The following CD2AP variants were observed in gnomAD, a reference collection of about 807,000 sequenced individuals.
CD2AP encodes the protein CD2 associated protein, also known as CD2-associated protein.
In CD2AP, 46 loss-of-function variants were observed where a neutral mutation model predicts 85.1. That is an observed-to-expected ratio of 0.54 (90% CI 0.43 to 0.69). CD2AP has a LOEUF of 0.69. Among genes scored for constraint, CD2AP ranks in the 30% least tolerant of loss-of-function variants. CD2AP has a pLI of 0.00. For synonymous variants in CD2AP, 255 were observed against 252.9 expected, an observed-to-expected ratio of 1.01 and a Z score of -0.08; for missense variants, 769 against 729.5, an observed-to-expected ratio of 1.05 and a Z score of -0.62.
intron 16 of CD2AP, 141 bp from the exon 17 acceptor site, chr6:47,612,332 A>G: frequency 1.6e-6 from 1 of 634,478 alleles, no homozygotes; most frequent in East Asian, 2.8e-5. Flanking sequence ...AGAATCTTAC[A>G]TTTTTCTTAA....
In CD2AP at chr6:47,574,235, A is replaced by G; in HGVS notation, c.713A>G (p.Glu238Gly). ...AGAACATCCAGTAGTGAAACAGAAG[A>G]GAAAAAACCAGAAAAGGTGGTAATG... ...RTRTSSSETE[E>G]KKPEKPLILQ... Residue 238 changes from glutamate (E) to glycine (G), a missense_variant, in exon 6 of 18, where the codon GAG becomes GGG. Glu to Gly is a moderately conservative substitution (Grantham distance 98, BLOSUM62 -2). Transcript: ENST00000359314. 6.2e-7 allele frequency: 1 copy of G among 1,613,900 alleles called. No homozygotes were observed. The highest frequency in any genetic ancestry group is 8.5e-7 in the Non-Finnish European group (1 of 1,179,824).
chr6:47,615,659 C>T (rs1213797998), intron 17 of CD2AP, among the ~76,000 whole-genome samples: 1 of 152,076 alleles, frequency 6.6e-6, no homozygotes, highest in Non-Finnish European at 1.5e-5. Context: ...TACCTCTCAC[C>T]TGGCCCCACC....
chr6:47,482,348 A>C (rs1313583078), intron 1 of CD2AP, among the ~76,000 whole-genome samples: 1 of 151,824 alleles, frequency 6.6e-6, no homozygotes, highest in Admixed American at 6.6e-5. Flanking sequence ...TTCCTGTAGA[A>C]ATGAGCCGGA....
At chr6:47,521,972 G>A (rs13201473) in intron 2 of CD2AP, among the ~76,000 whole-genome samples, 34,334 of 151,834 alleles carry the variant, frequency 0.23, 4,043 homozygotes, top group Non-Finnish European at 0.27. Flanking sequence ...CCGAGATCAT[G>A]CCATTGCACT....
chr6:47,543,165 A>G (rs1029854009), intron 3 of CD2AP, among the ~76,000 whole-genome samples: 2 of 144,710 alleles, frequency 1.4e-5, no homozygotes, highest in African/African-American at 4.9e-5. Context: ...AAAAAAAAAA[A>G]AAAAAAAGAA....
intron 3 of CD2AP, among the ~76,000 whole-genome samples, chr6:47,542,313 T>A (rs1399499045): frequency 6.6e-6 from 1 of 152,170 alleles, no homozygotes; most frequent in African/African-American, 2.4e-5. Flanking sequence ...GTAGACACTC[T>A]TGTGATAATA....
At chr6:47,553,755 A>G (rs529731944) in intron 4 of CD2AP, among the ~76,000 whole-genome samples, 2 of 152,144 alleles carry the variant, frequency 1.3e-5, no homozygotes, top group Non-Finnish European at 2.9e-5. Context: ...AAAATTTCAT[A>G]GAAATTGAGT....
At chr6:47,587,591 A>G (rs1198847341) in intron 11 of CD2AP, among the ~76,000 whole-genome samples, 1 of 152,154 alleles carries the variant, frequency 6.6e-6, no homozygotes, top group Non-Finnish European at 1.5e-5. Context: ...AGCACAAGTT[A>G]TCCTGCTTTT....
chr6:47,569,794 G>C (rs983520770), intron 5 of CD2AP, among the ~76,000 whole-genome samples: 1 of 152,114 alleles, frequency 6.6e-6, no homozygotes, highest in Non-Finnish European at 1.5e-5. Flanking sequence ...CTAGTCACCA[G>C]GAGTCAAGGT....
chr6:47,556,288 C>G (rs1767686167), intron 5 of CD2AP, among the ~76,000 whole-genome samples: 1 of 148,894 alleles, frequency 6.7e-6, no homozygotes, highest in Non-Finnish European at 1.5e-5. Context: ...TTACTGTTCA[C>G]CTCCCATTTA....
chr6:47,608,682 G>T (rs1435148198), intron 15 of CD2AP, among the ~76,000 whole-genome samples: 11 of 152,060 alleles, frequency 7.2e-5, no homozygotes, highest in African/African-American at 2.7e-4. Flanking sequence ...TAGTTAAGGG[G>T]TGTCAGGCTA....
intron 5 of CD2AP, among the ~76,000 whole-genome samples, chr6:47,558,880 A>G (rs1030401326): frequency 7.2e-5 from 11 of 152,120 alleles, no homozygotes; most frequent in African/African-American, 2.7e-4. Flanking sequence ...GTTGTTTGGA[A>G]TAGTTTCAGA....
intron 1 of CD2AP, among the ~76,000 whole-genome samples, chr6:47,496,053 T>A (rs1039336235): frequency 6.6e-6 from 1 of 152,208 alleles, no homozygotes; most frequent in African/African-American, 2.4e-5. Context: ...TACTTACCAC[T>A]TCTTTTGTTT....
chr6:47,593,855 C>A (rs1440849366), intron 11 of CD2AP, among the ~76,000 whole-genome samples: 2 of 152,030 alleles, frequency 1.3e-5, no homozygotes, highest in Non-Finnish European at 2.9e-5. Context: ...ATATTCATAG[C>A]AGCACTATTT....
chr6:47,567,606 T>C (rs958762379), intron 5 of CD2AP, among the ~76,000 whole-genome samples: 3 of 152,152 alleles, frequency 2.0e-5, no homozygotes, highest in African/African-American at 7.2e-5. Context: ...AATCCAGACT[T>C]GGCAAGCTGT....
chr6:47,478,294 C>T lies in CD2AP; in HGVS notation c.4+46C>T, dbSNP rs544549262. 18 of 1,562,542 alleles carry T rather than the reference C, an allele frequency of 1.2e-5. 1 individual carries two copies. The highest frequency in any genetic ancestry group is 1.7e-4 in the Middle Eastern group (1 of 5,992). The stretch of plus-strand genomic sequence containing the variant: ...CCGCCGCCCGTCCGGACCTTCCAGA[C>T]CCGGGGAGGCTGTGCCCTTTCTCGG... On this transcript the variant is annotated intron_variant, in intron 1 of 17. Coordinates refer to ENST00000359314, the MANE Select transcript of CD2AP (RefSeq NM_012120.3).
intron 2 of CD2AP, among the ~76,000 whole-genome samples, chr6:47,519,781 A>G (rs1766537230): frequency 1.3e-5 from 2 of 152,222 alleles, no homozygotes; most frequent in Non-Finnish European, 2.9e-5. Flanking sequence ...TTGAATACCT[A>G]TAATATGGCA....
intron 14 of CD2AP, among the ~76,000 whole-genome samples, chr6:47,606,642 G>GT (rs35087138): frequency 1.3e-5 from 2 of 151,566 alleles, no homozygotes; most frequent in East Asian, 1.9e-4. Context: ...AATATTCAGT[G>GT]TTTTTTTTCT....
At chr6:47,509,311 T>G (rs1485231418) in intron 2 of CD2AP, among the ~76,000 whole-genome samples, 2 of 151,754 alleles carry the variant, frequency 1.3e-5, no homozygotes, top group Admixed American at 1.3e-4. Context: ...ACAGATATAA[T>G]GAAGAAGTTT....
Sources: allele counts gnomAD v4.1 joint callset (sites outside exome capture counted in the v4.1 genomes callset), GRCh38; gene constraint gnomAD v4.1.1; transcripts MANE v1.5; gene names NCBI Gene and HGNC (gene_info 2026-07-23, HGNC 2026-07-21).